TMEM132D: variants seen among roughly 807,000 people sequenced by gnomAD.
The protein encoded by TMEM132D is transmembrane protein 132D, also known as mature OL transmembrane protein.
A neutral mutation model predicts 62.3 loss-of-function variants in TMEM132D; 21 were observed. The observed-to-expected ratio is 0.34, with a 90% CI of 0.24 to 0.49. The LOEUF (loss-of-function observed/expected upper bound fraction) is 0.49. TMEM132D is among the 20% of genes least tolerant of loss of function. The probability of loss-of-function intolerance (pLI) is 0.99; values close to 1 mark genes in which losing one functional copy is unlikely to be tolerated. For missense variants in TMEM132D, 1,346 were observed against 1,402.8 expected (o/e 0.96, Z 0.65); for synonymous variants, 621 against 575.6 (o/e 1.08, Z -1.13).
chr12:129,292,905 G>T (rs1036246583), intron 4 of TMEM132D, among the ~76,000 whole-genome samples: 13 of 152,288 alleles, frequency 8.5e-5, no homozygotes, highest in Admixed American at 3.9e-4. Context: ...ACTAACAAGG[G>T]CTGCTCCACA....
intron 1 of TMEM132D, among the ~76,000 whole-genome samples, chr12:129,834,408 T>C (rs549408847): frequency 2.0e-5 from 3 of 152,014 alleles, no homozygotes; most frequent in Non-Finnish European, 2.9e-5. Context: ...AAGATAGCCA[T>C]TGGAACAGGG....
intron 4 of TMEM132D, among the ~76,000 whole-genome samples, chr12:129,271,249 C>A (rs1223430169): frequency 6.7e-6 from 1 of 149,290 alleles, no homozygotes; most frequent in African/African-American, 2.6e-5. Context: ...GGAGCCCCCT[C>A]CGTGGATTTT....
chr12:129,315,480 C>T (rs954535614), intron 4 of TMEM132D, among the ~76,000 whole-genome samples: 4 of 152,134 alleles, frequency 2.6e-5, no homozygotes, highest in African/African-American at 9.7e-5. Context: ...ATCCCTGCAT[C>T]CTTGCTATGA....
intron 5 of TMEM132D, among the ~76,000 whole-genome samples, chr12:129,126,810 C>T (rs953538805): frequency 5.3e-5 from 8 of 152,170 alleles, no homozygotes. Context: ...GAACTTTCCT[C>T]CTTGTTATTA....
chr12:129,074,419 C>G lies in TMEM132D; in HGVS notation c.2756G>C (p.Gly919Ala), dbSNP rs1874179626. ...ASKGLSDLEI[G>A]MYALLGVFCL... ...GAAGACTCCCAACAAAGCATACATC[C>G]CAATTTCTAAGTCGCTCAGCCCTTT... Residue 919 changes from glycine (G) to alanine (A), a missense_variant, in exon 9 of 9, where the codon GGG becomes GCG. By Grantham distance (60) the Gly-to-Ala change is moderately conservative (BLOSUM62 0). Transcript: ENST00000422113. 1 of 1,613,902 alleles carries G rather than the reference C, an allele frequency of 6.2e-7. No homozygotes were observed. Among genetic ancestry groups the G allele is most frequent in the Non-Finnish European group, 8.5e-7 (1 of 1,180,038 alleles).
chr12:129,506,716 G>A (rs1875341339), intron 3 of TMEM132D, among the ~76,000 whole-genome samples: 1 of 152,186 alleles, frequency 6.6e-6, no homozygotes. Flanking sequence ...AAGAGAAGAT[G>A]TATGAATGAC....
intron 1 of TMEM132D, among the ~76,000 whole-genome samples, chr12:129,737,048 C>A (rs1326866659): frequency 1.3e-5 from 2 of 152,110 alleles, no homozygotes; most frequent in African/African-American, 2.4e-5. Context: ...CAACTTCTGA[C>A]CTCATGATCC....
At chr12:129,342,899 T>A (rs1869543332) in intron 3 of TMEM132D, among the ~76,000 whole-genome samples, 1 of 152,186 alleles carries the variant, frequency 6.6e-6, no homozygotes, top group Admixed American at 6.5e-5. Context: ...CCAGTTAGAA[T>A]GGCGATCATT....
chr12:129,612,923 T>C (rs1050878383), intron 2 of TMEM132D, among the ~76,000 whole-genome samples: 2 of 152,148 alleles, frequency 1.3e-5, no homozygotes, highest in African/African-American at 4.8e-5. Flanking sequence ...GTTTTGTCAA[T>C]CTAATATTTT....
At chr12:129,626,969 C>G (rs1200515189) in intron 2 of TMEM132D, among the ~76,000 whole-genome samples, 3 of 152,116 alleles carry the variant, frequency 2.0e-5, no homozygotes, top group Non-Finnish European at 4.4e-5. Flanking sequence ...TCTTGGCACT[C>G]AGAACCACCT....
intron 1 of TMEM132D, among the ~76,000 whole-genome samples, chr12:129,741,848 C>T (rs149942180): frequency 1.1e-4 from 16 of 152,204 alleles, no homozygotes; most frequent in African/African-American, 3.1e-4. Context: ...TGAATGTCTG[C>T]GATGTTGATA....
At chr12:129,239,467 C>A (rs919293374) in intron 4 of TMEM132D, among the ~76,000 whole-genome samples, 3 of 152,188 alleles carry the variant, frequency 2.0e-5, no homozygotes, top group African/African-American at 7.2e-5. Flanking sequence ...GATGAAATGA[C>A]TGAACAGTGT....
intron 1 of TMEM132D, among the ~76,000 whole-genome samples, chr12:129,801,533 T>A (rs897313922): frequency 1.3e-5 from 2 of 150,522 alleles, no homozygotes; most frequent in Non-Finnish European, 3.0e-5. Context: ...CAAAAACCCA[T>A]CTGTACATCA....
chr12:129,199,487 G>A (rs1348162400), intron 5 of TMEM132D, among the ~76,000 whole-genome samples: 1 of 152,132 alleles, frequency 6.6e-6, no homozygotes, highest in East Asian at 1.9e-4. Flanking sequence ...GAAACAGATT[G>A]ACATAGCAGA....
At chr12:129,540,520 C>T (rs1876555604) in intron 2 of TMEM132D, among the ~76,000 whole-genome samples, 1 of 151,596 alleles carries the variant, frequency 6.6e-6, no homozygotes, top group African/African-American at 2.4e-5. Context: ...GAGTCCTGCT[C>T]TGTCACCCAG....
chr12:129,456,359 A>G (rs1023369039), intron 3 of TMEM132D, among the ~76,000 whole-genome samples: 1 of 152,116 alleles, frequency 6.6e-6, no homozygotes, highest in Non-Finnish European at 1.5e-5. Context: ...TCCAGTGACC[A>G]TGGCTGAGGA....
At chr12:129,300,983 G>A (rs1881701159) in intron 4 of TMEM132D, among the ~76,000 whole-genome samples, 1 of 152,088 alleles carries the variant, frequency 6.6e-6, no homozygotes, top group Non-Finnish European at 1.5e-5. Flanking sequence ...AAGGACTCCT[G>A]TGGTTACATA....
chr12:129,799,336 A>G (rs1445545954), intron 1 of TMEM132D, among the ~76,000 whole-genome samples: 1 of 146,788 alleles, frequency 6.8e-6, no homozygotes, highest in Non-Finnish European at 1.5e-5. Context: ...TTATATATGT[A>G]TATATATGTG....
intron 5 of TMEM132D, among the ~76,000 whole-genome samples, chr12:129,159,981 T>C (rs1172959903): frequency 6.6e-6 from 1 of 151,880 alleles, no homozygotes; most frequent in African/African-American, 2.4e-5. Flanking sequence ...CTGCCTGAGG[T>C]AGAAGAGATG....
Sources: gnomAD v4.1 joint callset for allele counts (sites outside exome capture counted in the v4.1 genomes callset) on GRCh38, gnomAD v4.1.1 for gene constraint, MANE v1.5 for transcripts, NCBI Gene and HGNC (gene_info 2026-07-23, HGNC 2026-07-21) for gene names.